The following CAMTA2 variants were observed in gnomAD, a reference collection of about 807,000 sequenced individuals.
CAMTA2 encodes the protein calmodulin binding transcription activator 2.
A neutral mutation model predicts 135.7 loss-of-function variants in CAMTA2; 56 were observed. The ratio of observed to expected loss-of-function variants is 0.41; its 90% CI spans 0.33 to 0.52. CAMTA2 has a LOEUF of 0.52. Among genes scored for constraint, CAMTA2 ranks in the 20% least tolerant of loss-of-function variants. The pLI is 0.16. For synonymous variants in CAMTA2, 591 were observed against 604.6 expected, an observed-to-expected ratio of 0.98 and a Z score of 0.33; for missense variants, 1,358 against 1,553.4, an observed-to-expected ratio of 0.87 and a Z score of 2.11.
At chr17:4,975,101 G>A (rs1469560509) in intron 11 of CAMTA2, among the ~76,000 whole-genome samples, 3 of 151,888 alleles carry the variant, frequency 2.0e-5, no homozygotes, top group African/African-American at 7.3e-5. Flanking sequence ...ATACAAATAC[G>A]CACGTACACA....
At chr17:4,972,568 C>T (rs767609878) in intron 15 of CAMTA2, 32 bp from the exon 16 acceptor site, 41 of 1,585,630 alleles carry the variant, frequency 2.6e-5, no homozygotes, top group Admixed American at 1.7e-4. Context: ...TGAGGGCAGC[C>T]GGAGCCACGG....
At chr17:4,982,655 A>C in intron 5 of CAMTA2, 102 bp downstream of exon 5, 1 of 1,273,510 alleles carries the variant, frequency 7.9e-7, no homozygotes, top group Non-Finnish European at 1.1e-6. Flanking sequence ...CTGGGAGGGG[A>C]CTGAGGTGGA....
At chr17:4,982,465 A>G (rs1973015037) in intron 5 of CAMTA2, among the ~76,000 whole-genome samples, 1 of 152,232 alleles carries the variant, frequency 6.6e-6, no homozygotes, top group Admixed American at 6.5e-5. Context: ...ACCTGTGCTG[A>G]GAGCATCATT....
Position 4,984,179 on chromosome 17 carries a change from C to T in CAMTA2, c.136-1136G>A, listed in dbSNP as rs189033584. Reference sequence around the variant, plus strand: ...GTTAGCTAGGATGGTCTTGATCTCCCGACCTCGTGATCCACCCGCCTCAGC... The same window carrying T: ...GTTAGCTAGGATGGTCTTGATCTCCTGACCTCGTGATCCACCCGCCTCAGC... On this transcript the variant is annotated intron_variant, in intron 3 of 22. Transcript: ENST00000348066. Among the ~76,000 whole-genome samples, 598 of 150,826 alleles carry T rather than the reference C, an allele frequency of 4.0e-3. 2 individuals carry two copies. The highest frequency in any genetic ancestry group is 0.014 in the African/African-American group (574 of 41,024).
intron 12 of CAMTA2, 43 bp from the exon 13 acceptor site, chr17:4,973,812 C>G (rs1482318540): frequency 6.5e-7 from 1 of 1,528,798 alleles, no homozygotes. Flanking sequence ...GGTATCTACT[C>G]CCCTGGCTTG....
At chr17:4,976,969 A>T in intron 11 of CAMTA2, 89 bp downstream of exon 11, 1 of 1,297,138 alleles carries the variant, frequency 7.7e-7, no homozygotes, top group Non-Finnish European at 1.1e-6. Flanking sequence ...GGGCTCAGTG[A>T]TGGCCACCTG....
rs765315637 is a variant in CAMTA2 at position 4,968,750 on chromosome 17, GC to G, written c.*5del. 1.9e-6 allele frequency: 3 copies of G among 1,614,002 alleles called. No individual in the cohort carries two copies. Among genetic ancestry groups the G allele is most frequent in the Non-Finnish European group, 2.5e-6 (3 of 1,179,994 alleles). ...CCCCAGGGTGGTGAGAAAGGCGGTG[GC>G]CAGGTCATGTGGCCAGTCCCGGCTG... is the stretch of plus-strand genomic sequence containing the variant. On this transcript the variant is annotated 3_prime_UTR_variant, in exon 23 of 23. Coordinates refer to ENST00000348066, the MANE Select transcript of CAMTA2 (RefSeq NM_015099.4).
Position 4,973,773 on chromosome 17 carries a change from C to T in CAMTA2, c.2017-4G>A, listed in dbSNP as rs773668985. The T allele has an allele frequency of 1.8e-5, 28 of 1,599,796 alleles. No homozygotes were observed. The highest frequency in any genetic ancestry group is 9.4e-5 in the African/African-American group (7 of 74,626). ...ACCCAGGCCCCTGGCCTTCATCCTG[C>T]GATATACACACTCTTAGGCAGAGAC... is the stretch of plus-strand genomic sequence containing the variant. On this transcript the variant is annotated splice_polypyrimidine_tract_variant and splice_region_variant and intron_variant, in intron 12 of 22. Transcript: ENST00000348066.
At chr17:4,977,026 G>C in intron 11 of CAMTA2, 32 bp downstream of exon 11, 1 of 1,612,084 alleles carries the variant, frequency 6.2e-7, no homozygotes, top group Non-Finnish European at 8.5e-7. Flanking sequence ...GCTGTGGGCT[G>C]GATACTTGGG....
intron 8 of CAMTA2, 27 bp downstream of exon 8, chr17:4,981,198 C>T (rs1471528891): frequency 6.2e-7 from 1 of 1,609,724 alleles, no homozygotes; most frequent in Non-Finnish European, 8.5e-7. Context: ...GGTGGGAAGA[C>T]AGCCAAAAGG....
rs79434889 is a variant in CAMTA2 at position 4,972,862 on chromosome 17, G to A, written c.2410C>T (p.Arg804Cys). The A allele has an allele frequency of 4.8e-5, 77 of 1,613,790 alleles. No individual in the cohort carries two copies. The African/African-American group carries it at 9.2e-4, about 19-fold the overall frequency. ...LSVAHSRGHVRLARCLEELQR... is the reference protein window; with the variant it reads ...LSVAHSRGHVCLARCLEELQR... ...AGTTCCTCAAGGCAGCGGGCAAGGC[G>A]CACATGACCCCGGGAATGAGCCACA... Residue 804 changes from arginine (R) to cysteine (C), a missense_variant, in exon 15 of 23, where the codon CGC (arginine) becomes TGC (cysteine). Physicochemically the swap from Arg to Cys is radical, Grantham distance 180. This residue lies in a region of CAMTA2 where 1,077 missense variants were observed against 1,127.5 expected (regional missense o/e 0.96). Coordinates refer to ENST00000348066, the MANE Select transcript of CAMTA2 (RefSeq NM_015099.4).
chr17:4,985,462 C>T (rs1374594674), intron 3 of CAMTA2, among the ~76,000 whole-genome samples: 1 of 152,172 alleles, frequency 6.6e-6, no homozygotes, highest in African/African-American at 2.4e-5. Context: ...CTCACTCTGT[C>T]ACCCAGGCTG....
At position 4,984,107 on chromosome 17, in the gene CAMTA2, C is replaced by T. The variant is rs879268913; in HGVS notation, c.136-1064G>A. Among the ~76,000 whole-genome samples the T allele has an allele frequency of 3.0e-4, 46 of 152,152 alleles. 1 individual carries two copies. The highest frequency in any genetic ancestry group is 6.6e-4 in the Non-Finnish European group (45 of 68,010). On this transcript the variant is annotated intron_variant, in intron 3 of 22. Transcript: ENST00000348066. ...CTGGGACTACAGGCGCCCACGACCA[C>T]GCCCGGCTAATTTTTTGTATTTTTA...
intron 11 of CAMTA2, among the ~76,000 whole-genome samples, chr17:4,975,950 T>C (rs555896821): frequency 6.6e-6 from 1 of 152,326 alleles, no homozygotes; most frequent in Non-Finnish European, 1.5e-5. Context: ...TCTATGTTTG[T>C]GTTAGTACAC....
At chr17:4,972,615 G>T in intron 15 of CAMTA2, 79 bp from the exon 16 acceptor site, 3 of 1,501,256 alleles carry the variant, frequency 2.0e-6, no homozygotes, top group Non-Finnish European at 1.8e-6. Flanking sequence ...TCCCCATCCT[G>T]TTCTCGGTCC....
chr17:4,985,799 A>T, intron 3 of CAMTA2, 81 bp downstream of exon 3: 1 of 846,532 alleles, frequency 1.2e-6, no homozygotes, highest in East Asian at 2.4e-5. Context: ...GAGTGTTGAC[A>T]GACACGGAAA....
At chr17:4,982,592 G>A (rs1411213441) in intron 5 of CAMTA2, among the ~76,000 whole-genome samples, 165 bp downstream of exon 5, 2 of 152,240 alleles carry the variant, frequency 1.3e-5, no homozygotes, top group Non-Finnish European at 2.9e-5. Context: ...GGGAAGTGGA[G>A]AGTGGCCAAA....
chr17:4,973,152 G>C, intron 14 of CAMTA2, 23 bp downstream of exon 14: 1 of 1,604,336 alleles, frequency 6.2e-7, no homozygotes, highest in Non-Finnish European at 8.5e-7. Flanking sequence ...CCCCATATGC[G>C]CTCAGGAATC....
At chr17:4,984,051 T>C (rs1973120726) in intron 3 of CAMTA2, among the ~76,000 whole-genome samples, 1 of 151,954 alleles carries the variant, frequency 6.6e-6, no homozygotes, top group Non-Finnish European at 1.5e-5. Flanking sequence ...CCTGGGTTCA[T>C]GCCATTCTCC....
Sources: allele counts gnomAD v4.1 joint callset (sites outside exome capture counted in the v4.1 genomes callset), GRCh38; gene constraint gnomAD v4.1.1; regional missense constraint gnomAD v4.1.1; transcripts MANE v1.5; gene names NCBI Gene and HGNC (gene_info 2026-07-23, HGNC 2026-07-21).